The following NFIX variants were observed in gnomAD, a reference collection of about 807,000 sequenced individuals.
NFIX encodes the protein nuclear factor 1 X-type.
Under a neutral mutation model 53.3 loss-of-function variants are expected in NFIX, and 2 were observed. The ratio of observed to expected loss-of-function variants is 0.04; its 90% confidence interval spans 0.02 to 0.12. The LOEUF (loss-of-function observed/expected upper bound fraction) is 0.12. Among genes scored for constraint, NFIX ranks in the 10% least tolerant of loss-of-function variants. The pLI, the probability that NFIX is intolerant of heterozygous loss-of-function variation, is 1.00. For missense variants in NFIX, 310 were observed against 674.5 expected (o/e 0.46, Z 5.99); for synonymous variants, 244 against 289.0 (o/e 0.84, Z 1.58).
At position 13,078,559 on chromosome 19, in the gene NFIX, G is replaced by A. The variant is rs534000480; in HGVS notation, c.956-54G>A. 79 of 1,553,804 alleles carry A rather than the reference G, an allele frequency of 5.1e-5. No homozygotes were observed. In the African/African-American group the frequency reaches 1.0e-3, roughly 20 times the overall value. ...GAGCTGCTGGCTTCCCGCCTTCCCC[G>A]CACCCACCCCAGCCCAGCTAAACCT... On this transcript the variant is annotated intron_variant, in intron 6 of 10. Transcript: ENST00000592199. The surrounding 1 kb of genome is among the most constrained non-coding windows in gnomAD (Gnocchi z 4.7).
intron 2 of NFIX, among the ~76,000 whole-genome samples, chr19:13,057,566 C>T (rs2015791998): frequency 6.6e-6 from 1 of 152,124 alleles, no homozygotes; most frequent in African/African-American, 2.4e-5. Flanking sequence ...CTCATGTCCT[C>T]CTCAGGCTGA....
At chr19:13,044,586 A>G (rs2014862030) in intron 2 of NFIX, among the ~76,000 whole-genome samples, 1 of 152,140 alleles carries the variant, frequency 6.6e-6, no homozygotes, top group Non-Finnish European at 1.5e-5. Context: ...CACAGCAGGT[A>G]TGTAACCCCT....
At chr19:13,024,351 C>A (rs1046896648) in intron 1 of NFIX, 2 of 374,100 alleles carry the variant, frequency 5.3e-6, no homozygotes, top group Non-Finnish European at 7.4e-6. Flanking sequence ...GCTGAAATCA[C>A]ATATTTAGGA....
rs1187053128 is a variant in NFIX at position 13,014,351 on chromosome 19, G to A, written c.28-10670G>A. ...CCTCTGGGCCCTGACCCACTGCCTG[G>A]TTTGCGCTAGAGCCGTTTAAAAAAG... On this transcript the variant is annotated intron_variant, in intron 1 of 10. Transcript: ENST00000592199. The surrounding 1 kb of genome is among the most constrained non-coding windows in gnomAD (Gnocchi z 4.4). 4 of 152,248 alleles carry A rather than the reference G, an allele frequency of 2.6e-5. No individual in the cohort carries two copies. The highest frequency in any genetic ancestry group is 9.6e-5 in the African/African-American group (4 of 41,454). The allele number at this position is 152,248 out of a possible 1,614,324, so 9.4% of individuals were successfully genotyped here.
intron 1 of NFIX, 193 bp from the exon 2 acceptor site, chr19:13,024,828 G>T: frequency 7.3e-7 from 1 of 1,363,642 alleles, no homozygotes; most frequent in Non-Finnish European, 1.0e-6. Context: ...GAAGCTGGTG[G>T]TGGCTTCAAA....
intron 2 of NFIX, among the ~76,000 whole-genome samples, chr19:13,033,843 C>T (rs949100316): frequency 2.0e-5 from 3 of 152,216 alleles, no homozygotes; most frequent in African/African-American, 7.2e-5. Context: ...TCCTAGAAGA[C>T]GACCTACTTG....
At chr19:13,071,473 G>C (rs979471870) in intron 2 of NFIX, 1 of 152,188 alleles carries the variant, frequency 6.6e-6, no homozygotes, top group African/African-American at 2.4e-5. Context: ...GATGGCTCAG[G>C]GTGGGAACCT....
At chr19:13,082,698 G>C (rs2017542321) in intron 8 of NFIX, 2 of 152,306 alleles carry the variant, frequency 1.3e-5, no homozygotes, top group South Asian at 2.1e-4. Context: ...ACGGTCCCTG[G>C]TTGGAATGTG....
intron 2 of NFIX, among the ~76,000 whole-genome samples, chr19:13,033,754 G>A (rs1030103247): frequency 2.0e-5 from 3 of 152,254 alleles, no homozygotes; most frequent in African/African-American, 7.2e-5. Flanking sequence ...GCTCCTGGCT[G>A]GGTGTGTGTG....
intron 1 of NFIX, among the ~76,000 whole-genome samples, chr19:13,016,580 G>A (rs1184908314): frequency 7.4e-6 from 1 of 134,758 alleles, no homozygotes; most frequent in East Asian, 2.1e-4. Flanking sequence ...TTGTACGCTT[G>A]CCATTTATAC....
At position 13,005,621 on chromosome 19, in the gene NFIX, A is replaced by G. The variant is rs906620294; in HGVS notation, c.27+9757A>G. On this transcript the variant is annotated intron_variant, in intron 1 of 10. Transcript: ENST00000592199. This position sits in a 1 kb window ranked among gnomAD's most constrained non-coding sequence, Gnocchi z 4.7. ...AAACCAAGACTCAGTAGAGGTATCC[A>G]GTGCTAGGGTCAAGGGCGGGGAGCT... Among the ~76,000 whole-genome samples, 1 of 152,194 alleles carries G rather than the reference A, an allele frequency of 6.6e-6. No homozygotes were observed. The highest frequency in any genetic ancestry group is 1.5e-5 in the Non-Finnish European group (1 of 68,030).
rs891336879 is a variant in NFIX, at chr19:13,027,816, A to G, written c.559+2264A>G. Among the ~76,000 whole-genome samples, 5 of 152,224 alleles carry G rather than the reference A, an allele frequency of 3.3e-5. No homozygotes were observed. Among genetic ancestry groups the G allele is most frequent in the African/African-American group, 9.6e-5 (4 of 41,464 alleles). ...TACCCCATTCCATGTAGCCGAGGCC[A>G]CTTCTCTGGGCTGGGGCTGAGGCCG... On this transcript the variant is annotated intron_variant, in intron 2 of 10. Coordinates refer to ENST00000592199, the MANE Select transcript of NFIX (RefSeq NM_001365902.3). This position sits in a 1 kb window ranked among gnomAD's most constrained non-coding sequence, Gnocchi z 4.3.
rs1233693023 is a variant in NFIX at position 13,024,136 on chromosome 19, CA to C, written c.28-881del. 6 of 714,904 alleles carry C rather than the reference CA, an allele frequency of 8.4e-6. No homozygotes were observed. The African/African-American group carries it at 1.3e-4, about 16-fold the overall frequency. The allele number at this position is 714,904 out of a possible 1,614,324, so 44.3% of individuals were successfully genotyped here. ...ACCAAAAAAAAAAAAAAAAACCAAA[CA>C]AAACCGAGAGAGCCCATCCTTCTGT... On this transcript the variant is annotated intron_variant, in intron 1 of 10. Transcript: ENST00000592199.
Position 13,036,019 on chromosome 19 carries a change from C to G in NFIX, c.559+10467C>G, listed in dbSNP as rs950655961. On this transcript the variant is annotated intron_variant, in intron 2 of 10. Transcript: ENST00000592199. The surrounding 1 kb of genome is among the most constrained non-coding windows in gnomAD (Gnocchi z 4.7). ...GTGTCTGAGTGGTTAGGATCCCACT[C>G]TGGGGGATTCCTGCTGGTGGTATAA... Among the ~76,000 whole-genome samples the G allele has an allele frequency of 7.9e-5, 12 of 152,350 alleles. No homozygotes were observed. The East Asian group carries it at 2.3e-3, about 29-fold the overall frequency.
At position 13,043,971 on chromosome 19, in the gene NFIX, A is replaced by C. The variant is rs2014814214; in HGVS notation, c.559+18419A>C. On this transcript the variant is annotated intron_variant, in intron 2 of 10. Coordinates refer to ENST00000592199, the MANE Select transcript of NFIX (RefSeq NM_001365902.3). The surrounding 1 kb of genome is among the most constrained non-coding windows in gnomAD (Gnocchi z 4.0). ...CCCCATCTCTATAAAATAAAATTTAAAAAAAAAGAAAAAAGAGAAAATCGG... is the reference window on the plus strand; with the variant it reads ...CCCCATCTCTATAAAATAAAATTTACAAAAAAAGAAAAAAGAGAAAATCGG... 6.6e-6 allele frequency among the ~76,000 whole-genome samples: 1 copy of C among 152,018 alleles called. No individual in the cohort carries two copies. Among genetic ancestry groups the C allele is most frequent in the African/African-American group, 2.4e-5 (1 of 41,366 alleles).
At chr19:13,044,763 A>G (rs1436266741) in intron 2 of NFIX, among the ~76,000 whole-genome samples, 1 of 152,102 alleles carries the variant, frequency 6.6e-6, no homozygotes, top group Non-Finnish European at 1.5e-5. Context: ...AGTAAAAGAG[A>G]TTACAATTGT....
chr19:13,040,577 G>T lies in NFIX; in HGVS notation c.559+15025G>T, dbSNP rs1421571115. ...CCCTGGCCTCCAGGCTCCTTGTATG[G>T]ACAGACTCATGGCTGCTATTCCTGC... On this transcript the variant is annotated intron_variant, in intron 2 of 10. Transcript: ENST00000592199. The surrounding 1 kb of genome is among the most constrained non-coding windows in gnomAD (Gnocchi z 4.2). Among the ~76,000 whole-genome samples, 1 of 152,136 alleles carries T rather than the reference G, an allele frequency of 6.6e-6. No homozygotes were observed. Among genetic ancestry groups the T allele is most frequent in the African/African-American group, 2.4e-5 (1 of 41,428 alleles).
At chr19:13,047,242 T>C (rs953138958) in intron 2 of NFIX, among the ~76,000 whole-genome samples, 4 of 152,076 alleles carry the variant, frequency 2.6e-5, no homozygotes, top group African/African-American at 4.8e-5. Context: ...TTCTTTCTTT[T>C]TTTTTTTAAA....
rs181602221 is a variant in NFIX at position 12,998,581 on chromosome 19, G to A, written c.27+2717G>A. On this transcript the variant is annotated intron_variant, in intron 1 of 10. Coordinates refer to ENST00000592199, the MANE Select transcript of NFIX (RefSeq NM_001365902.3). The surrounding 1 kb of genome is among the most constrained non-coding windows in gnomAD (Gnocchi z 4.4). ...CTGAGTCTCAGGCGGAGAGAGGGGT[G>A]GGGGGTGGATGGATGGACCCCCATC... 5.3e-5 allele frequency among the ~76,000 whole-genome samples: 8 copies of A among 152,154 alleles called. No individual in the cohort carries two copies. The East Asian group carries it at 9.7e-4, about 18-fold the overall frequency.
Sources: gnomAD v4.1 joint callset for allele counts (sites outside exome capture counted in the v4.1 genomes callset) on GRCh38, gnomAD v4.1.1 for gene constraint, Gnocchi (gnomAD v3.1) non-coding constraint, MANE v1.5 for transcripts, NCBI Gene and HGNC (gene_info 2026-07-23, HGNC 2026-07-21) for gene names.